PITPNM2: variants seen among roughly 807,000 people sequenced by gnomAD.
The protein encoded by PITPNM2 is membrane-associated phosphatidylinositol transfer protein 2.
In PITPNM2, 35 loss-of-function variants were observed where a neutral mutation model predicts 132.2. The observed-to-expected ratio is 0.26, with a 90% CI of 0.20 to 0.35. The LOEUF (loss-of-function observed/expected upper bound fraction) is 0.35. Among genes scored for constraint, PITPNM2 ranks in the 10% least tolerant of loss-of-function variants. The pLI, the probability that PITPNM2 is intolerant of heterozygous loss-of-function variation, is 1.00. For missense variants in PITPNM2, 1,332 were observed against 1,912.0 expected (o/e 0.70, Z 5.66); for synonymous variants, 738 against 799.2 (o/e 0.92, Z 1.29).
chr12:123,142,883 A>C (rs1593037070), intron 1 of PITPNM2, among the ~76,000 whole-genome samples: 1 of 21,464 alleles, frequency 4.7e-5, no homozygotes, highest in Non-Finnish European at 3.2e-4. Flanking sequence ...CCCTCTTATG[A>C]AAAAAAAAAA....
chr12:123,016,579 C>T (rs190136728), intron 3 of PITPNM2, among the ~76,000 whole-genome samples: 46 of 105,458 alleles, frequency 4.4e-4, no homozygotes, highest in African/African-American at 1.3e-3. Flanking sequence ...CCTAAGACTC[C>T]GTCTCAAAAA....
chr12:122,992,720 T>G lies in PITPNM2; in HGVS notation c.2234-51A>C. 6.0e-6 allele frequency: 8 copies of G among 1,330,480 alleles called. No individual in the cohort carries two copies. The highest frequency in any genetic ancestry group is 7.1e-6 in the Non-Finnish European group (7 of 981,470). The allele number at this position is 1,330,480 out of a possible 1,614,324, so 82.4% of individuals were successfully genotyped here. On this transcript the variant is annotated intron_variant, in intron 15 of 25. Transcript: ENST00000320201. This position sits in a 1 kb window ranked among gnomAD's most constrained non-coding sequence, Gnocchi z 6.5. ...AGCTGGGGCTGGCCCTGAGGAGCAGTGGTGGGGGTGGGAAATTTGGGAACT... is the reference window on the plus strand; with the variant it reads ...AGCTGGGGCTGGCCCTGAGGAGCAGGGGTGGGGGTGGGAAATTTGGGAACT...
chr12:123,151,761 G>A (rs562715096), upstream of PITPNM2, among the ~76,000 whole-genome samples: 4 of 152,324 alleles, frequency 2.6e-5, 1 homozygote, highest in East Asian at 7.7e-4. Flanking sequence ...AAAACATGAG[G>A]TGTTTGTTAG....
At chr12:123,018,293 C>CTTTTTTTTTTTTTTTTT (rs3085478) in intron 3 of PITPNM2, among the ~76,000 whole-genome samples, 22 of 126,320 alleles carry the variant, frequency 1.7e-4, no homozygotes, top group East Asian at 4.3e-4. Flanking sequence ...TTTTTCTTTT[C>CTTTTTTTTTTTTTTTTT]TTTTTTTTTT....
chr12:123,022,344 G>A lies in PITPNM2; in HGVS notation c.79-8302C>T, dbSNP rs1447703524. On this transcript the variant is annotated intron_variant, in intron 3 of 25. Transcript: ENST00000320201. The surrounding 1 kb of genome is among the most constrained non-coding windows in gnomAD (Gnocchi z 4.9). ...TTTCATAGCTATAGGCACCAAGACC[G>A]CTCGGAAGACCCACAGAGCATCAGA... Among the ~76,000 whole-genome samples the A allele has an allele frequency of 6.6e-6, 1 of 152,158 alleles. No homozygotes were observed. The highest frequency in any genetic ancestry group is 1.5e-5 in the Non-Finnish European group (1 of 68,034).
At chr12:123,092,173 T>A (rs368045260) in intron 2 of PITPNM2, 2 of 152,194 alleles carry the variant, frequency 1.3e-5, no homozygotes, top group South Asian at 4.2e-4. Flanking sequence ...AACCCCTGGG[T>A]CCAGCCTTGG....
chr12:123,120,619 G>A (rs1593026452), intron 1 of PITPNM2, among the ~76,000 whole-genome samples: 1 of 152,272 alleles, frequency 6.6e-6, no homozygotes, highest in Admixed American at 6.5e-5. Context: ...GAGATGTAGT[G>A]GCACATGTTT....
intron 2 of PITPNM2, among the ~76,000 whole-genome samples, chr12:123,069,247 TAAA>T (rs775414823): frequency 1.5e-5 from 2 of 130,246 alleles, no homozygotes; most frequent in Admixed American, 7.8e-5. Flanking sequence ...ACCTACTCTC[TAAA>T]AAAAAAAAAA....
At chr12:123,144,248 AT>A (rs1311239820) in intron 1 of PITPNM2, among the ~76,000 whole-genome samples, 1 of 151,724 alleles carries the variant, frequency 6.6e-6, no homozygotes, top group Non-Finnish European at 1.5e-5. Context: ...TGTGTTGGTG[AT>A]TTTGCTGTTT....
intron 1 of PITPNM2, among the ~76,000 whole-genome samples, chr12:123,129,752 C>T (rs1220797775): frequency 1.3e-5 from 2 of 151,984 alleles, no homozygotes; most frequent in Non-Finnish European, 2.9e-5. Context: ...GGTACTTGTA[C>T]TGGGGGAACA....
At position 123,031,791 on chromosome 12, in the gene PITPNM2, C is replaced by A. The variant is rs954994784; in HGVS notation, c.78+2722G>T. Among the ~76,000 whole-genome samples the A allele has an allele frequency of 2.6e-5, 4 of 152,210 alleles. No individual in the cohort carries two copies. Among genetic ancestry groups the A allele is most frequent in the African/African-American group, 9.6e-5 (4 of 41,456 alleles). Reference sequence around the variant, plus strand: ...TCCCGGCAATACCTGGTTTCTTTCACCTTTCTTTTTTAACAGGAAAGCAGA... The same window carrying A: ...TCCCGGCAATACCTGGTTTCTTTCAACTTTCTTTTTTAACAGGAAAGCAGA... On this transcript the variant is annotated intron_variant, in intron 3 of 25. Transcript: ENST00000320201. This position sits in a 1 kb window ranked among gnomAD's most constrained non-coding sequence, Gnocchi z 4.5.
In PITPNM2 at chr12:122,990,124, T is replaced by C. The variant is rs559790770; in HGVS notation, c.2570-176A>G. Among the ~76,000 whole-genome samples the C allele has an allele frequency of 1.5e-4, 23 of 152,174 alleles. 1 individual carries two copies. The South Asian group carries it at 3.9e-3, about 26-fold the overall frequency. ...CAGCAACCCCCACCCCAGCCTCAGC[T>C]CCTGCATGGCCACCCTGACCACAGC... On this transcript the variant is annotated intron_variant, in intron 17 of 25. Transcript: ENST00000320201.
At chr12:123,011,021 G>A (rs1273369291) in intron 5 of PITPNM2, among the ~76,000 whole-genome samples, 2 of 152,230 alleles carry the variant, frequency 1.3e-5, no homozygotes, top group Non-Finnish European at 2.9e-5. Flanking sequence ...ACGTAGGCCA[G>A]GCCACTTATG....
chr12:123,145,748 T>G (rs996992737), intron 1 of PITPNM2, among the ~76,000 whole-genome samples: 1 of 152,120 alleles, frequency 6.6e-6, no homozygotes, highest in African/African-American at 2.4e-5. Context: ...GGCTCACACC[T>G]CAAGAGGACT....
At position 122,993,605 on chromosome 12, in the gene PITPNM2, T is replaced by C. The variant is rs1338713739; in HGVS notation, c.2234-936A>G. On this transcript the variant is annotated intron_variant, in intron 15 of 25. Transcript: ENST00000320201. This position sits in a 1 kb window ranked among gnomAD's most constrained non-coding sequence, Gnocchi z 5.2. ...AATTTATTTAACCAGCCCCTCCACATAGACGGACATTTAAGTTGGTTCTGG... is the reference window on the plus strand; with the variant it reads ...AATTTATTTAACCAGCCCCTCCACACAGACGGACATTTAAGTTGGTTCTGG... Among the ~76,000 whole-genome samples, 2 of 152,240 alleles carry C rather than the reference T, an allele frequency of 1.3e-5. No individual in the cohort carries two copies. Among genetic ancestry groups the C allele is most frequent in the Non-Finnish European group, 1.5e-5 (1 of 68,042 alleles).
rs904125574 is a variant in PITPNM2, at chr12:123,097,542, C to A, written c.-96+12843G>T. Among the ~76,000 whole-genome samples, 1 of 152,122 alleles carries A rather than the reference C, an allele frequency of 6.6e-6. No individual in the cohort carries two copies. The highest frequency in any genetic ancestry group is 1.5e-5 in the Non-Finnish European group (1 of 68,034). Reference sequence around the variant, plus strand: ...GGAAGGGAGATTGTCTTTCTTAAGGCACGCACATGCTCAGCAGTGATGGCA... The same window carrying A: ...GGAAGGGAGATTGTCTTTCTTAAGGAACGCACATGCTCAGCAGTGATGGCA... On this transcript the variant is annotated intron_variant, in intron 2 of 25. Transcript: ENST00000320201. The surrounding 1 kb of genome is among the most constrained non-coding windows in gnomAD (Gnocchi z 4.7).
In PITPNM2 at chr12:122,988,732, G is replaced by A; in HGVS notation, c.2872C>T (p.Leu958=). ...TCCCAGGCCCCGGGTACCTGTCTCA[G>A]CAGAAAGGAGACCACGTCTGTTGAC... ...WESTDVVSFL[L]RQVMRHDNSS... The change falls in exon 19 of 26, where the codon CTG becomes TTG. Residue 958 remains leucine, a synonymous_variant. Transcript: ENST00000320201. The A allele has an allele frequency of 6.4e-7, 1 of 1,561,952 alleles. No individual in the cohort carries two copies.
intron 18 of PITPNM2, 67 bp downstream of exon 18, chr12:122,989,720 G>A (rs932836676): frequency 1.5e-6 from 2 of 1,320,094 alleles, no homozygotes; most frequent in Non-Finnish European, 2.0e-6. Context: ...GGTGGGCAGA[G>A]CCTGGCAGTG....
chr12:123,151,349 C>A (rs990690277), upstream of PITPNM2, among the ~76,000 whole-genome samples: 2 of 152,060 alleles, frequency 1.3e-5, no homozygotes, highest in South Asian at 4.1e-4. Context: ...CGGCGCGGAT[C>A]CCCGCCCCGG....
Sources: allele counts gnomAD v4.1 joint callset (sites outside exome capture counted in the v4.1 genomes callset), GRCh38; gene constraint gnomAD v4.1.1; non-coding constraint Gnocchi (gnomAD v3.1); transcripts MANE v1.5; gene names NCBI Gene and HGNC (gene_info 2026-07-23, HGNC 2026-07-21).